Variants in CDH18 observed in about 807,000 individuals in gnomAD.
CDH18 encodes the protein cadherin-18.
In CDH18, 31 loss-of-function variants were observed where a neutral mutation model predicts 67.9. That is an observed-to-expected ratio of 0.46 (90% CI 0.34 to 0.62). The LOEUF (loss-of-function observed/expected upper bound fraction) is 0.62. Ranked by LOEUF, CDH18 falls within the 20% of genes least tolerant of loss-of-function variation. The probability of loss-of-function intolerance (pLI) is 0.01; values close to 1 mark genes in which losing one functional copy is unlikely to be tolerated. For missense variants in CDH18, 890 were observed against 975.5 expected, an observed-to-expected ratio of 0.91 and a Z score of 1.17; for synonymous variants, 362 against 347.2, an observed-to-expected ratio of 1.04 and a Z score of -0.48.
At chr5:19,621,035 G>T (rs573136784) in intron 5 of CDH18, among the ~76,000 whole-genome samples, 6 of 152,078 alleles carry the variant, frequency 3.9e-5, no homozygotes. Context: ...TCTAAATATG[G>T]CAAAAAAGAA....
chr5:19,511,082 G>A (rs962630874), intron 10 of CDH18, among the ~76,000 whole-genome samples: 1 of 152,064 alleles, frequency 6.6e-6, no homozygotes, highest in East Asian at 1.9e-4. Context: ...AAAGTACTGG[G>A]ATTACAGGCA....
intron 2 of CDH18, among the ~76,000 whole-genome samples, chr5:20,151,887 A>AT (rs1751139601): frequency 6.6e-6 from 1 of 151,654 alleles, no homozygotes; most frequent in Admixed American, 6.6e-5. Context: ...CAATGATTAA[A>AT]TTTTTTCTAT....
At chr5:19,713,888 T>C (rs538116089) in intron 5 of CDH18, among the ~76,000 whole-genome samples, 1 of 152,086 alleles carries the variant, frequency 6.6e-6, no homozygotes, top group Non-Finnish European at 1.5e-5. Context: ...GGTTCATAGA[T>C]TTCAGGTTGA....
chr5:19,973,526 T>A (rs1798222894), intron 2 of CDH18, among the ~76,000 whole-genome samples: 1 of 152,272 alleles, frequency 6.6e-6, no homozygotes, highest in East Asian at 1.9e-4. Context: ...GAAGGTTTAC[T>A]TTTTACTTGG....
chr5:20,553,748 T>C (rs1486212059), intron 1 of CDH18, among the ~76,000 whole-genome samples: 2 of 152,172 alleles, frequency 1.3e-5, no homozygotes, highest in Admixed American at 1.3e-4. Context: ...AACAACATTC[T>C]TCACCCACAC....
chr5:20,356,359 G>A (rs1458704070), intron 1 of CDH18, among the ~76,000 whole-genome samples: 1 of 152,018 alleles, frequency 6.6e-6, no homozygotes, highest in Non-Finnish European at 1.5e-5. Flanking sequence ...CTCCAGCCTG[G>A]GCGAAAGAGC....
intron 1 of CDH18, among the ~76,000 whole-genome samples, chr5:20,420,539 T>C (rs1375709413): frequency 6.6e-6 from 1 of 151,188 alleles, no homozygotes; most frequent in Admixed American, 6.6e-5. Context: ...TACTGATAAA[T>C]ACTTGTGAAA....
chr5:20,203,335 TA>T (rs1487439157), intron 2 of CDH18, among the ~76,000 whole-genome samples: 3 of 152,264 alleles, frequency 2.0e-5, no homozygotes, highest in Admixed American at 2.0e-4. Context: ...CCCTGCCCTG[TA>T]ACTCAGCCAA....
At chr5:20,283,310 G>A (rs1746429324) in intron 1 of CDH18, among the ~76,000 whole-genome samples, 1 of 151,734 alleles carries the variant, frequency 6.6e-6, no homozygotes, top group Non-Finnish European at 1.5e-5. Flanking sequence ...CAAGTGGAGG[G>A]AATCCACAGA....
intron 11 of CDH18, among the ~76,000 whole-genome samples, chr5:19,497,695 G>A (rs1310029488): frequency 6.6e-6 from 1 of 152,136 alleles, no homozygotes; most frequent in Non-Finnish European, 1.5e-5. Flanking sequence ...AGATCTTCTT[G>A]GTGTGAGGAA....
At chr5:19,812,118 A>G (rs574015216) in intron 3 of CDH18, among the ~76,000 whole-genome samples, 21 of 152,290 alleles carry the variant, frequency 1.4e-4, no homozygotes, top group Non-Finnish European at 2.4e-4. Context: ...TTAGTGTTTA[A>G]ATATCCTAAG....
At chr5:20,435,769 A>T (rs1195767331) in intron 1 of CDH18, among the ~76,000 whole-genome samples, 3 of 152,098 alleles carry the variant, frequency 2.0e-5, no homozygotes, top group African/African-American at 7.2e-5. Flanking sequence ...GACACTTTTT[A>T]AGATACTTAA....
intron 2 of CDH18, among the ~76,000 whole-genome samples, chr5:20,044,518 A>T (rs767818799): frequency 6.6e-6 from 1 of 152,140 alleles, no homozygotes; most frequent in Non-Finnish European, 1.5e-5. Flanking sequence ...ATCAATTTTA[A>T]CCTACAAAAA....
chr5:19,935,038 T>C (rs541777096), intron 2 of CDH18, among the ~76,000 whole-genome samples: 4 of 151,402 alleles, frequency 2.6e-5, no homozygotes, highest in African/African-American at 9.6e-5. Context: ...ATACCACTTT[T>C]AGTTTGGAAG....
chr5:20,091,873 A>T (rs988527665), intron 2 of CDH18, among the ~76,000 whole-genome samples: 3 of 152,180 alleles, frequency 2.0e-5, no homozygotes, highest in African/African-American at 7.2e-5. Context: ...GAACCTCCAG[A>T]TCAGGCATAG....
intron 7 of CDH18, among the ~76,000 whole-genome samples, chr5:19,578,179 A>G (rs1037895205): frequency 1.3e-5 from 2 of 152,214 alleles, no homozygotes; most frequent in African/African-American, 4.8e-5. Flanking sequence ...TTGTAAGAGC[A>G]TTCCTAGGAA....
Position 20,464,087 on chromosome 5 carries a change from C to T in CDH18, c.-580+111375G>A, listed in dbSNP as rs73763416. ...TAATCCAGTTTAAGTTGTATTTTCT[C>T]TTACCTCTCCATAAAAATATTCTAA... On this transcript the variant is annotated intron_variant, in intron 1 of 14. Coordinates refer to the CDH18 transcript ENST00000507958. 9.5e-3 allele frequency among the ~76,000 whole-genome samples: 1,452 copies of T among 152,162 alleles called. 29 individuals carry two copies. The highest frequency in any genetic ancestry group is 0.049 in the South Asian group (235 of 4,816).
chr5:20,163,810 A>G (rs1282521750), intron 2 of CDH18, among the ~76,000 whole-genome samples: 1 of 152,246 alleles, frequency 6.6e-6, no homozygotes, highest in Non-Finnish European at 1.5e-5. Flanking sequence ...ACAACAACCC[A>G]TGAAACAAAA....
chr5:20,336,050 A>G (rs1739697816), intron 1 of CDH18, among the ~76,000 whole-genome samples: 1 of 152,216 alleles, frequency 6.6e-6, no homozygotes, highest in Admixed American at 6.5e-5. Context: ...GGCAATTATG[A>G]GCTGGTTGGG....
Sources: gnomAD v4.1 joint callset for allele counts (sites outside exome capture counted in the v4.1 genomes callset) on GRCh38, gnomAD v4.1.1 for gene constraint, MANE v1.5 for transcripts, NCBI Gene and HGNC (gene_info 2026-07-23, HGNC 2026-07-21) for gene names.